The following MS4A14 variants were observed in gnomAD, a reference collection of about 807,000 sequenced individuals.
MS4A14 encodes membrane spanning 4-domains A14, also known as membrane-spanning 4-domains subfamily A member 14.
A neutral mutation model predicts 16.7 loss-of-function variants in MS4A14; 18 were observed. That is an observed-to-expected ratio of 1.08 (90% CI 0.75 to 1.60). MS4A14 has a LOEUF of 1.60. Among genes scored for constraint, MS4A14 ranks in the 40% most tolerant of loss-of-function variants. The pLI is 0.00. For missense variants in MS4A14, 812 were observed against 775.3 expected (o/e 1.05, Z -0.56); for synonymous variants, 305 against 289.4 (o/e 1.05, Z -0.55).
In MS4A14 at chr11:60,411,186, A is replaced by G. The variant is rs75625928; in HGVS notation, c.469-4251A>G. The stretch of plus-strand genomic sequence containing the variant: ...TAGTGTAGCTTTACAGTACGTTTCA[A>G]AGTTGGAAAGTATAATCACTCAAAC... On this transcript the variant is annotated intron_variant, in intron 4 of 4. Coordinates refer to ENST00000300187, the MANE Select transcript of MS4A14 (RefSeq NM_032597.5). 7.7e-3 allele frequency among the ~76,000 whole-genome samples: 1,177 copies of G among 152,296 alleles called. 13 individuals are homozygous for G. The highest frequency in any genetic ancestry group is 0.025 in the African/African-American group (1,021 of 41,560).
At chr11:60,403,807 A>G (rs938696201) in intron 4 of MS4A14, among the ~76,000 whole-genome samples, 2 of 152,196 alleles carry the variant, frequency 1.3e-5, no homozygotes, top group Non-Finnish European at 2.9e-5. Context: ...GGGTTCTATA[A>G]TTTGAAGAAT....
At position 60,397,989 on chromosome 11, in the gene MS4A14, T is replaced by C. The variant is rs1203454373; in HGVS notation, c.267+9T>C. On this transcript the variant is annotated intron_variant, in intron 2 of 4. Transcript: ENST00000300187. ...TCTGGGGAGCACTTATTGTGAGTAC[T>C]GTCGATTAGAAGCTTTGGAGAAATT... The C allele has an allele frequency of 3.7e-6, 6 of 1,612,608 alleles. No homozygotes were observed. Among genetic ancestry groups the C allele is most frequent in the Non-Finnish European group, 5.1e-6 (6 of 1,179,014 alleles).
chr11:60,414,647 T>C (rs2135152806), intron 4 of MS4A14, among the ~76,000 whole-genome samples: 1 of 152,220 alleles, frequency 6.6e-6, no homozygotes, highest in Non-Finnish European at 1.5e-5. Flanking sequence ...AAAACTCCAA[T>C]TGCTTCCTCT....
At chr11:60,400,607 T>G (rs893886628) in intron 3 of MS4A14, among the ~76,000 whole-genome samples, 153 bp downstream of exon 3, 1 of 152,206 alleles carries the variant, frequency 6.6e-6, no homozygotes, top group Non-Finnish European at 1.5e-5. Context: ...GTGCCACTGT[T>G]TGCCTGACAG....
At chr11:60,413,575 A>G (rs2085898012) in intron 4 of MS4A14, among the ~76,000 whole-genome samples, 1 of 151,998 alleles carries the variant, frequency 6.6e-6, no homozygotes, top group South Asian at 2.1e-4. Flanking sequence ...TTACACAACT[A>G]GAGGAGAGTA....
At chr11:60,412,704 T>C (rs3016726) in intron 4 of MS4A14, among the ~76,000 whole-genome samples, 3 of 152,000 alleles carry the variant, frequency 2.0e-5, no homozygotes, top group Non-Finnish European at 4.4e-5. Flanking sequence ...TTTTCTCTAT[T>C]GTTTTTCAAT....
chr11:60,402,956 G>T lies in MS4A14; in HGVS notation c.363G>T (p.Ala121=). The T allele has an allele frequency of 1.9e-6, 3 of 1,613,768 alleles. No homozygotes were observed. Among genetic ancestry groups the T allele is most frequent in the Non-Finnish European group, 2.5e-6 (3 of 1,179,774 alleles). The part of the protein sequence containing the change: ...TGMNVISSLV[A]ITGITFTILS... ...TGAATGTTATCAGCTCCTTGGTTGC[G>T]ATAACTGGGATTACTTTCACCATTC... Residue 121 remains alanine, a synonymous_variant, in exon 4 of 5, where the codon GCG becomes GCT. Coordinates refer to ENST00000300187, the MANE Select transcript of MS4A14 (RefSeq NM_032597.5).
At position 60,402,921 on chromosome 11, in the gene MS4A14, G is replaced by A. The variant is rs771890704; in HGVS notation, c.328G>A (p.Val110Ile). Residue 110 changes from valine (V) to isoleucine (I), a missense_variant, in exon 4 of 5, where the codon GTC becomes ATC. Physicochemically the swap from Val to Ile is conservative, Grantham distance 29. Transcript: ENST00000300187. ...DKKSKLLGQG[V>I]TGMNVISSLV... The stretch of plus-strand genomic sequence containing the variant: ...TTAAACTATCTTTCAGGGTCAAGGT[G>A]TCACGGGCATGAATGTTATCAGCTC... 15 of 1,613,442 alleles carry A rather than the reference G, an allele frequency of 9.3e-6. No individual in the cohort carries two copies. The South Asian group carries it at 1.6e-4, about 18-fold the overall frequency.
In MS4A14 at chr11:60,396,645, TTGAC is replaced by T; in HGVS notation, c.70_73del (p.Thr24HisfsTer14). 1 of 1,613,930 alleles carries T rather than the reference TTGAC, an allele frequency of 6.2e-7. No homozygotes were observed. The highest frequency in any genetic ancestry group is 1.1e-5 in the South Asian group (1 of 90,958). On this transcript the variant is annotated frameshift_variant, in exon 1 of 5. Transcript: ENST00000300187. LOFTEE classifies it high-confidence loss of function. ...CACTATAAAACCAAACGAAACTGTA[TTGAC>T]TGCATTTCCCTACAGACCTCATAGC...
intron 4 of MS4A14, among the ~76,000 whole-genome samples, chr11:60,414,225 A>G (rs2085905760): frequency 6.6e-6 from 1 of 152,140 alleles, no homozygotes; most frequent in Admixed American, 6.5e-5. Flanking sequence ...ATTCACATGA[A>G]ACAAAGTTTG....
chr11:60,404,602 G>A (rs200118179), intron 4 of MS4A14: 33 of 456,728 alleles, frequency 7.2e-5, no homozygotes, highest in Non-Finnish European at 1.8e-5. Context: ...CCCTTAATGT[G>A]TCAAGTATCC....
At chr11:60,397,794 G>C (rs1424520819) in intron 1 of MS4A14, 58 bp from the exon 2 acceptor site, 1 of 1,576,540 alleles carries the variant, frequency 6.3e-7, no homozygotes, top group Non-Finnish European at 8.7e-7. Context: ...AGGGACGTGG[G>C]GTAGCCCACA....
At position 60,402,919 on chromosome 11, in the gene MS4A14, G is replaced by A. The variant is rs759369417; in HGVS notation, c.326G>A (p.Gly109Asp). 30 of 1,613,338 alleles carry A rather than the reference G, an allele frequency of 1.9e-5. No homozygotes were observed. Among genetic ancestry groups the A allele is most frequent in the Non-Finnish European group, 2.5e-5 (30 of 1,179,636 alleles). ...TDKKSKLLGQ[G>D]VTGMNVISSL... ...TTTTAAACTATCTTTCAGGGTCAAG[G>A]TGTCACGGGCATGAATGTTATCAGC... The change falls in exon 4 of 5, where the codon GGT becomes GAT. Residue 109 changes from glycine (G) to aspartate (D), a missense_variant. By Grantham distance (94) the Gly-to-Asp change is moderately conservative. Transcript: ENST00000300187.
At position 60,396,505 on chromosome 11, in the gene MS4A14, GTGGAGAGGTAGATCATGATT is replaced by G. The variant is rs1363928526; in HGVS notation, c.-70_-51del. The G allele has an allele frequency of 1.3e-6, 2 of 1,549,048 alleles. No individual in the cohort carries two copies. Among genetic ancestry groups the G allele is most frequent in the Non-Finnish European group, 1.8e-6 (2 of 1,141,056 alleles). On this transcript the variant is annotated 5_prime_UTR_variant, in exon 1 of 5. It removes an upstream start codon present in the reference 5' UTR. Coordinates refer to ENST00000300187, the MANE Select transcript of MS4A14 (RefSeq NM_032597.5). The stretch of plus-strand genomic sequence containing the variant: ...TCTCTGAGGGCTCCATGTGACTCTG[GTGGAGAGGTAGATCATGATT>G]TGGGCGGCAATGTTTGCTCACTCTT...
chr11:60,417,348 AAGACAC>A lies in MS4A14; in HGVS notation c.*342_*347del. On this transcript the variant is annotated 3_prime_UTR_variant, in exon 5 of 5. Coordinates refer to ENST00000300187, the MANE Select transcript of MS4A14 (RefSeq NM_032597.5). ...TCTTCTTCTGGCCAAAGCTCAGTACAAGACACATGTTTAGCCTATTTGTCCAATCTA... is the reference window on the plus strand; with the variant it reads ...TCTTCTTCTGGCCAAAGCTCAGTACAATGTTTAGCCTATTTGTCCAATCTA... The A allele has an allele frequency of 5.5e-6, 1 of 182,902 alleles. No individual in the cohort carries two copies. The highest frequency in any genetic ancestry group is 1.3e-4 in the South Asian group (1 of 7,554). 11.3% of individuals were successfully genotyped at this position (182,902 alleles called of 1,614,324 possible).
chr11:60,405,741 G>T (rs1454818935), intron 4 of MS4A14: 1 of 550,326 alleles, frequency 1.8e-6, no homozygotes, highest in African/African-American at 1.9e-5. Context: ...GACACAAGAT[G>T]AAAATTGTGC....
In MS4A14 at chr11:60,417,106, G is replaced by T. The variant is rs538312488; in HGVS notation, c.*98G>T. 3.1e-5 allele frequency: 45 copies of T among 1,448,280 alleles called. No individual in the cohort carries two copies. The highest frequency in any genetic ancestry group is 3.9e-5 in the Non-Finnish European group (43 of 1,094,386). The allele number at this position is 1,448,280 out of a possible 1,614,324, so 89.7% of individuals were successfully genotyped here. ...ATCTATTAGAGAAAGAAGCCCTAAA[G>T]CAGAAAGCTCTATACCAAGAAGTCC... On this transcript the variant is annotated 3_prime_UTR_variant, in exon 5 of 5. Coordinates refer to ENST00000300187, the MANE Select transcript of MS4A14 (RefSeq NM_032597.5).
chr11:60,400,444 C>T lies in MS4A14; in HGVS notation c.308C>T (p.Ser103Leu). ...TACCTCACAGTAACCGATAAGAAAT[C>T]AAAACTTCTGGTAAGCCACTTAAAC... ...TGYLTVTDKK[S>L]KLLGQGVTGM... The change falls in exon 3 of 5, where the codon TCA (serine) becomes TTA (leucine). Residue 103 changes from serine to leucine, a missense_variant. Physicochemically the swap from Ser to Leu is moderately radical, Grantham distance 145. Coordinates refer to ENST00000300187, the MANE Select transcript of MS4A14 (RefSeq NM_032597.5). 1 of 1,605,274 alleles carries T rather than the reference C, an allele frequency of 6.2e-7. No individual in the cohort carries two copies. The highest frequency in any genetic ancestry group is 8.5e-7 in the Non-Finnish European group (1 of 1,173,354).
chr11:60,411,357 A>G (rs151133136), intron 4 of MS4A14, among the ~76,000 whole-genome samples: 129 of 152,320 alleles, frequency 8.5e-4, no homozygotes, highest in African/African-American at 3.0e-3. Flanking sequence ...TGCTTTGAGC[A>G]GCACTGACAT....
Sources: allele counts gnomAD v4.1 joint callset (sites outside exome capture counted in the v4.1 genomes callset), GRCh38; gene constraint gnomAD v4.1.1; transcripts MANE v1.5; gene names NCBI Gene and HGNC (gene_info 2026-07-23, HGNC 2026-07-21).